CDC42SE2: variants seen among roughly 807,000 people sequenced by gnomAD.
The protein encoded by CDC42SE2 is CDC42 small effector protein 2.
Under a neutral mutation model 11.5 loss-of-function variants are expected in CDC42SE2, and 3 were observed. The ratio of observed to expected loss-of-function variants is 0.26; its 90% CI spans 0.12 to 0.67. The LOEUF (loss-of-function observed/expected upper bound fraction) is 0.67, where lower values mean the gene tolerates loss of function less well. Among genes scored for constraint, CDC42SE2 ranks in the 30% least tolerant of loss-of-function variants. CDC42SE2 has a pLI of 0.80. For missense variants in CDC42SE2, 82 were observed against 106.8 expected, an observed-to-expected ratio of 0.77 and a Z score of 1.02; for synonymous variants, 33 against 34.8, an observed-to-expected ratio of 0.95 and a Z score of 0.18.
intron 1 of CDC42SE2, among the ~76,000 whole-genome samples, chr5:131,305,266 T>G (rs1316992738): frequency 6.6e-6 from 1 of 152,234 alleles, no homozygotes; most frequent in Non-Finnish European, 1.5e-5. Context: ...TTTCCAGTTT[T>G]TGTCTCTATG....
In CDC42SE2 at chr5:131,384,237, G is replaced by A. The variant is rs376952453; in HGVS notation, c.55-1306G>A. Among the ~76,000 whole-genome samples, 13 of 152,282 alleles carry A rather than the reference G, an allele frequency of 8.5e-5. No homozygotes were observed. The East Asian group carries it at 1.3e-3, about 16-fold the overall frequency. On this transcript the variant is annotated intron_variant, in intron 3 of 4. Transcript: ENST00000505065. ...TGTTTCTATCTATGACAATATAAAC[G>A]AGAGGACAGTAAAACAATGTATATG...
At chr5:131,295,484 G>C (rs539833264) in intron 1 of CDC42SE2, among the ~76,000 whole-genome samples, 2 of 152,118 alleles carry the variant, frequency 1.3e-5, no homozygotes, top group South Asian at 4.1e-4. Context: ...TGGTCTCCAA[G>C]ACACATGTGA....
At chr5:131,352,766 T>A (rs1224179071) in intron 2 of CDC42SE2, among the ~76,000 whole-genome samples, 1 of 152,228 alleles carries the variant, frequency 6.6e-6, no homozygotes, top group Non-Finnish European at 1.5e-5. Flanking sequence ...GAATAAGGTT[T>A]ATTGATATTT....
At chr5:131,342,219 G>A (rs1217971468) in intron 2 of CDC42SE2, among the ~76,000 whole-genome samples, 2 of 148,104 alleles carry the variant, frequency 1.4e-5, no homozygotes, top group African/African-American at 2.5e-5. Flanking sequence ...GGTGGAGGTT[G>A]CAGTGAGTTG....
chr5:131,232,259 G>A, the CDC42SE2 span, among the ~76,000 whole-genome samples: 1 of 151,932 alleles, frequency 6.6e-6, no homozygotes, highest in South Asian at 2.1e-4. Flanking sequence ...GACTACAGGC[G>A]TTCACCACTG....
chr5:131,273,767 CAAAA>C (rs768842175), intron 1 of CDC42SE2, among the ~76,000 whole-genome samples: 1 of 100,442 alleles, frequency 1.0e-5, no homozygotes, highest in Admixed American at 1.1e-4. Flanking sequence ...GACTCCGTCT[CAAAA>C]AAAAAAAAAA....
At chr5:131,269,827 G>T (rs577657352) in intron 1 of CDC42SE2, among the ~76,000 whole-genome samples, 1 of 152,064 alleles carries the variant, frequency 6.6e-6, no homozygotes. Context: ...TTGGGAGGCC[G>T]AGGTGGGTGG....
the CDC42SE2 span, among the ~76,000 whole-genome samples, chr5:131,236,234 T>C: frequency 6.6e-6 from 1 of 152,200 alleles, no homozygotes; most frequent in Non-Finnish European, 1.5e-5. Flanking sequence ...AGTTTAGCAA[T>C]AGCTTCTTTT....
chr5:131,343,241 A>G (rs1435187706), intron 2 of CDC42SE2, among the ~76,000 whole-genome samples: 1 of 152,142 alleles, frequency 6.6e-6, no homozygotes, highest in Non-Finnish European at 1.5e-5. Context: ...GGAGACTGCA[A>G]GAGATGCTTA....
At chr5:131,306,606 A>AT (rs1479576096) in intron 1 of CDC42SE2, among the ~76,000 whole-genome samples, 1 of 151,890 alleles carries the variant, frequency 6.6e-6, no homozygotes, top group African/African-American at 2.4e-5. Flanking sequence ...TTTTAGGATT[A>AT]TTTTTTCTAT....
At chr5:131,343,021 T>G (rs1190641225) in intron 2 of CDC42SE2, among the ~76,000 whole-genome samples, 1 of 152,218 alleles carries the variant, frequency 6.6e-6, no homozygotes, top group Non-Finnish European at 1.5e-5. Flanking sequence ...TCATATTATT[T>G]TGAATAACAG....
intron 1 of CDC42SE2, among the ~76,000 whole-genome samples, chr5:131,296,797 T>G (rs1442811108): frequency 7.9e-5 from 12 of 152,306 alleles, no homozygotes; most frequent in Admixed American, 7.8e-4. Context: ...ATTATGTTGC[T>G]TCTCTATAGT....
chr5:131,356,431 T>TA (rs1166478763), intron 2 of CDC42SE2, among the ~76,000 whole-genome samples: 3 of 152,140 alleles, frequency 2.0e-5, no homozygotes, highest in African/African-American at 7.2e-5. Context: ...AAACCTGTTC[T>TA]AAAAAAAGGA....
At chr5:131,373,573 T>C (rs549275450) in intron 3 of CDC42SE2, among the ~76,000 whole-genome samples, 11 of 152,214 alleles carry the variant, frequency 7.2e-5, no homozygotes, top group African/African-American at 2.2e-4. Flanking sequence ...TCACTGTTCA[T>C]TGAATTTACA....
Position 131,336,108 on chromosome 5 carries a change from A to G in CDC42SE2, c.-286+19964A>G, listed in dbSNP as rs1202703612. On this transcript the variant is annotated intron_variant, in intron 2 of 4. Coordinates refer to ENST00000505065, the MANE Select transcript of CDC42SE2 (RefSeq NM_001375635.1). The stretch of plus-strand genomic sequence containing the variant: ...GCATGTTTTTGCAGTGGCTGGTACC[A>G]GTTGTTCCTTTCCATGTTTAGTGCT... Among the ~76,000 whole-genome samples the G allele has an allele frequency of 1.1e-4, 16 of 152,308 alleles. 3 individuals carry two copies. The highest frequency in any genetic ancestry group is 1.0e-4 in the Non-Finnish European group (7 of 68,028).
intron 3 of CDC42SE2, among the ~76,000 whole-genome samples, chr5:131,380,185 T>G (rs1318373325): frequency 6.6e-6 from 1 of 152,160 alleles, no homozygotes; most frequent in Admixed American, 6.5e-5. Flanking sequence ...TAGTGGTGAT[T>G]TGTGGATTTT....
At chr5:131,295,333 A>G (rs145427238) in intron 1 of CDC42SE2, among the ~76,000 whole-genome samples, 6 of 152,184 alleles carry the variant, frequency 3.9e-5, no homozygotes, top group African/African-American at 1.4e-4. Flanking sequence ...AAAGATAGCT[A>G]TTACAGCATC....
chr5:131,248,331 G>A (rs1241755337), intron 1 of CDC42SE2, among the ~76,000 whole-genome samples: 2 of 151,838 alleles, frequency 1.3e-5, no homozygotes, highest in Non-Finnish European at 2.9e-5. Context: ...GTAGAGACGG[G>A]GTTTCACCGT....
intron 2 of CDC42SE2, among the ~76,000 whole-genome samples, chr5:131,331,202 C>G (rs897864605): frequency 6.6e-6 from 1 of 151,960 alleles, no homozygotes; most frequent in Admixed American, 6.6e-5. Context: ...ACAGGTTTTG[C>G]CAATGTCAAA....
Sources: gnomAD v4.1 joint callset for allele counts (sites outside exome capture counted in the v4.1 genomes callset) on GRCh38, gnomAD v4.1.1 for gene constraint, MANE v1.5 for transcripts, NCBI Gene and HGNC (gene_info 2026-07-23, HGNC 2026-07-21) for gene names.